TMPRSS11D: variants seen among roughly 807,000 people sequenced by gnomAD.
The protein encoded by TMPRSS11D is transmembrane protease serine 11D.
A neutral mutation model predicts 44.4 loss-of-function variants in TMPRSS11D; 32 were observed. That is an observed-to-expected ratio of 0.72 (90% CI 0.54 to 0.97). The LOEUF is 0.97. TMPRSS11D is among the 50% of genes least tolerant of loss of function. TMPRSS11D has a pLI of 0.00. For synonymous variants in TMPRSS11D, 179 were observed against 177.9 expected, an observed-to-expected ratio of 1.01 and a Z score of -0.05; for missense variants, 446 against 502.6, an observed-to-expected ratio of 0.89 and a Z score of 1.08.
chr4:67,849,381 A>T (rs1413257779), intron 3 of TMPRSS11D, among the ~76,000 whole-genome samples: 1 of 152,202 alleles, frequency 6.6e-6, no homozygotes, highest in Non-Finnish European at 1.5e-5. Context: ...TGGCGTATAA[A>T]TACAGGTTGA....
intron 8 of TMPRSS11D, among the ~76,000 whole-genome samples, chr4:67,826,688 A>G (rs551168874): frequency 2.6e-5 from 4 of 151,632 alleles, no homozygotes; most frequent in South Asian, 2.1e-4. Flanking sequence ...TGGGAGGCCA[A>G]CAAGGCAGGA....
Position 67,833,239 on chromosome 4 carries a change from G to A in TMPRSS11D, c.657C>T (p.Asn219=), listed in dbSNP as rs752075532. 2 of 1,559,826 alleles carry A rather than the reference G, an allele frequency of 1.3e-6. No individual in the cohort carries two copies. The highest frequency in any genetic ancestry group is 2.0e-5 in the Admixed American group (1 of 51,150). Residue 219 remains asparagine (N), a synonymous_variant, in exon 7 of 10, where the codon AAC becomes AAT. Transcript: ENST00000283916. ...AGTGAGCTGCTGTCAGGATCCACAT[G>A]TTATTGATCAGGCTGCCTCCACAGT... The part of the protein sequence containing the change: ...AHHCGGSLIN[N]MWILTAAHCF...
At chr4:67,858,147 A>G (rs182343131) in intron 2 of TMPRSS11D, among the ~76,000 whole-genome samples, 78 of 152,352 alleles carry the variant, frequency 5.1e-4, no homozygotes, top group African/African-American at 1.8e-3. Context: ...TCTGTCTAGA[A>G]TAAAAATGTC....
intron 1 of TMPRSS11D, among the ~76,000 whole-genome samples, chr4:67,883,155 C>T (rs572604709): frequency 6.6e-6 from 1 of 152,054 alleles, no homozygotes; most frequent in South Asian, 2.1e-4. Flanking sequence ...ACACATTGTT[C>T]ATGCTTTTGT....
At chr4:67,865,657 A>G (rs183689427) in intron 1 of TMPRSS11D, among the ~76,000 whole-genome samples, 1 of 151,956 alleles carries the variant, frequency 6.6e-6, no homozygotes, top group African/African-American at 2.4e-5. Context: ...AATCATATAG[A>G]AATACAAGAA....
intron 3 of TMPRSS11D, among the ~76,000 whole-genome samples, chr4:67,852,795 AT>A (rs1174312312): frequency 6.6e-6 from 1 of 152,192 alleles, no homozygotes; most frequent in Non-Finnish European, 1.5e-5. Context: ...TTCAATAAAC[AT>A]TTATTAAGCA....
chr4:67,864,603 C>T (rs1459499185), intron 1 of TMPRSS11D, among the ~76,000 whole-genome samples: 1 of 151,842 alleles, frequency 6.6e-6, no homozygotes, highest in African/African-American at 2.4e-5. Context: ...GACAGAACTC[C>T]TCCAACTATA....
intron 2 of TMPRSS11D, among the ~76,000 whole-genome samples, chr4:67,858,829 A>G (rs1222879665): frequency 1.3e-5 from 2 of 152,194 alleles, no homozygotes; most frequent in African/African-American, 4.8e-5. Flanking sequence ...ATGTTAAAGC[A>G]TCTGAAAGAG....
rs543403747 is a variant in TMPRSS11D, at chr4:67,832,780, G to T, written c.692+424C>A. On this transcript the variant is annotated intron_variant, in intron 7 of 9. Coordinates refer to ENST00000283916, the MANE Select transcript of TMPRSS11D (RefSeq NM_004262.3). ...GCCATCAGCTCCCATGATATAATGT[G>T]CAAATCTTCCACAGCAATTCGTTTC... is the stretch of plus-strand genomic sequence containing the variant. 4.6e-3 allele frequency among the ~76,000 whole-genome samples: 696 copies of T among 151,256 alleles called. 5 individuals are homozygous for T. Among genetic ancestry groups the T allele is most frequent in the Admixed American group, 7.0e-3 (105 of 15,092 alleles).
intron 5 of TMPRSS11D, among the ~76,000 whole-genome samples, chr4:67,835,397 A>G (rs1157818648): frequency 6.6e-6 from 1 of 152,164 alleles, no homozygotes; most frequent in East Asian, 1.9e-4. Flanking sequence ...AATACTTAAT[A>G]GATATCTCTT....
At chr4:67,865,178 CAAT>C (rs1297739887) in intron 1 of TMPRSS11D, among the ~76,000 whole-genome samples, 1 of 151,392 alleles carries the variant, frequency 6.6e-6, no homozygotes, top group African/African-American at 2.4e-5. Flanking sequence ...TCTCAAATTA[CAAT>C]GGTCTACAAC....
Position 67,825,815 on chromosome 4 carries a change from T to C in TMPRSS11D, c.1012A>G (p.Asn338Asp). 1 of 1,613,264 alleles carries C rather than the reference T, an allele frequency of 6.2e-7. No homozygotes were observed. The highest frequency in any genetic ancestry group is 2.2e-5 in the East Asian group (1 of 44,854). ...GCTCCATTATAACTATGTGGTGCAT[T>C]ACATACATCATTACTTATTATTCTG... ...QVRIISNDVC[N>D]APHSYNGAIL... is the part of the protein sequence containing the mutation. The change falls in exon 9 of 10, where the codon AAT (asparagine) becomes GAT (aspartate). Residue 338 changes from asparagine (N) to aspartate (D), a missense_variant. Asn to Asp is a conservative substitution (Grantham distance 23, BLOSUM62 1). Coordinates refer to ENST00000283916, the MANE Select transcript of TMPRSS11D (RefSeq NM_004262.3).
intron 8 of TMPRSS11D, among the ~76,000 whole-genome samples, chr4:67,826,543 T>G (rs780200823): frequency 6.6e-6 from 1 of 152,126 alleles, no homozygotes; most frequent in Non-Finnish European, 1.5e-5. Flanking sequence ...TTTTATTCAT[T>G]CAATAAACAA....
chr4:67,826,635 T>A (rs1717798904), intron 8 of TMPRSS11D, among the ~76,000 whole-genome samples: 1 of 152,076 alleles, frequency 6.6e-6, no homozygotes, highest in African/African-American at 2.4e-5. Context: ...TTAAGGATTA[T>A]TAAGCCCTCA....
chr4:67,857,271 GTATATATATATATATATATATATATA>G (rs1214467886), intron 2 of TMPRSS11D, among the ~76,000 whole-genome samples: 1 of 70,072 alleles, frequency 1.4e-5, no homozygotes, highest in African/African-American at 6.5e-5. Flanking sequence ...AGAAAATATG[GTATATATATATATATATATATATATA>G]TATATATATA....
chr4:67,862,672 G>A (rs539991494), intron 1 of TMPRSS11D, among the ~76,000 whole-genome samples: 3 of 152,170 alleles, frequency 2.0e-5, no homozygotes, highest in African/African-American at 7.2e-5. Flanking sequence ...GTCCAACAAT[G>A]ATAGACTGGA....
rs1234748396 is a variant in TMPRSS11D, at chr4:67,821,056, G to C, written c.*1281C>G. ...TTCAGCAAATGTATGGAGCAGTCCT[G>C]ATGCCCAGATGCAGGGAGTTAGCTT... On this transcript the variant is annotated 3_prime_UTR_variant, in exon 10 of 10. Coordinates refer to ENST00000283916, the MANE Select transcript of TMPRSS11D (RefSeq NM_004262.3). 2.6e-5 allele frequency: 4 copies of C among 152,230 alleles called. No individual in the cohort carries two copies. Among genetic ancestry groups the C allele is most frequent in the African/African-American group, 9.7e-5 (4 of 41,442 alleles). The allele number at this position is 152,230 out of a possible 1,614,324, so 9.4% of individuals were successfully genotyped here. A position where few individuals can be genotyped will look rare whatever the true frequency, so the allele number is the denominator to read the frequency against.
intron 1 of TMPRSS11D, among the ~76,000 whole-genome samples, chr4:67,878,309 G>A (rs1368471877): frequency 6.6e-6 from 1 of 152,054 alleles, no homozygotes; most frequent in Non-Finnish European, 1.5e-5. Context: ...TTAATCACTG[G>A]AACAGTTGTC....
intron 1 of TMPRSS11D, among the ~76,000 whole-genome samples, chr4:67,882,774 C>T (rs1719350391): frequency 6.6e-6 from 1 of 151,802 alleles, no homozygotes; most frequent in South Asian, 2.1e-4. Flanking sequence ...TATAACAAAC[C>T]TGATTAATGT....
Sources: allele counts gnomAD v4.1 joint callset (sites outside exome capture counted in the v4.1 genomes callset), GRCh38; gene constraint gnomAD v4.1.1; transcripts MANE v1.5; gene names NCBI Gene and HGNC (gene_info 2026-07-23, HGNC 2026-07-21).